Variants in MARCHF1 observed in about 807,000 individuals in gnomAD.
MARCHF1 encodes the protein E3 ubiquitin-protein ligase MARCHF1.
In MARCHF1, 40 loss-of-function variants were observed where a neutral mutation model predicts 54.2. The observed-to-expected ratio is 0.74, with a 90% CI of 0.57 to 0.96. The LOEUF (loss-of-function observed/expected upper bound fraction) is 0.96. Among genes scored for constraint, MARCHF1 ranks in the 40% least tolerant of loss-of-function variants. The pLI, the probability that MARCHF1 is intolerant of heterozygous loss-of-function variation, is 0.00. For missense variants in MARCHF1, 586 were observed against 656.5 expected (o/e 0.89, Z 1.17); for synonymous variants, 236 against 236.3 (o/e 1.00, Z 0.01).
intron 1 of MARCHF1, among the ~76,000 whole-genome samples, chr4:164,242,113 G>A (rs1318912046): frequency 6.6e-6 from 1 of 151,902 alleles, no homozygotes; most frequent in Non-Finnish European, 1.5e-5. Context: ...GCTCGAACTG[G>A]GTGGAGCCCA....
At chr4:163,968,197 G>A (rs1407752767) in intron 3 of MARCHF1, among the ~76,000 whole-genome samples, 2 of 151,776 alleles carry the variant, frequency 1.3e-5, no homozygotes, top group Admixed American at 1.3e-4. Context: ...ACCTTGGTTT[G>A]CAGATAGCCT....
At chr4:164,044,158 C>G (rs1359652080) in intron 2 of MARCHF1, among the ~76,000 whole-genome samples, 1 of 152,190 alleles carries the variant, frequency 6.6e-6, no homozygotes, top group African/African-American at 2.4e-5. Context: ...TGCAAAGTCG[C>G]TTTCACATTT....
intron 1 of MARCHF1, among the ~76,000 whole-genome samples, chr4:164,119,469 A>C (rs1756017144): frequency 6.7e-6 from 1 of 148,170 alleles, no homozygotes; most frequent in Admixed American, 6.8e-5. Flanking sequence ...ATATTAAATC[A>C]AAAAGCTAGG....
rs1386639867 is a variant in MARCHF1 at position 164,350,302 on chromosome 4, C to G, written c.-323+33568G>C. Among the ~76,000 whole-genome samples, 4 of 151,852 alleles carry G rather than the reference C, an allele frequency of 2.6e-5. No homozygotes were observed. The East Asian group carries it at 7.7e-4, about 29-fold the overall frequency. Reference sequence around the variant, plus strand: ...ACTCATATGTAAGAGCCAAAGAAAACTGAGTTCATTCAAGTTCAGAGTAGA... The same window carrying G: ...ACTCATATGTAAGAGCCAAAGAAAAGTGAGTTCATTCAAGTTCAGAGTAGA... On this transcript the variant is annotated intron_variant, in intron 1 of 9. Transcript: ENST00000514618.
At chr4:163,550,944 A>C (rs1739089816) in intron 8 of MARCHF1, among the ~76,000 whole-genome samples, 2 of 152,188 alleles carry the variant, frequency 1.3e-5, no homozygotes, top group Non-Finnish European at 2.9e-5. Context: ...ATGTGCTTTA[A>C]CAAGCCCTCA....
At chr4:163,545,392 C>T (rs993549335) in intron 9 of MARCHF1, among the ~76,000 whole-genome samples, 8 of 152,178 alleles carry the variant, frequency 5.3e-5, no homozygotes, top group Non-Finnish European at 1.0e-4. Flanking sequence ...AATTTCACAT[C>T]TCAGCTTGGG....
chr4:164,350,819 G>C (rs1031837924), intron 1 of MARCHF1, among the ~76,000 whole-genome samples: 27 of 152,136 alleles, frequency 1.8e-4, no homozygotes, highest in Admixed American at 1.7e-3. Flanking sequence ...CGACGCAGAA[G>C]ATGGGTGATT....
At chr4:163,648,611 C>CT (rs1488963344) in intron 5 of MARCHF1, among the ~76,000 whole-genome samples, 2 of 46,744 alleles carry the variant, frequency 4.3e-5, no homozygotes, top group African/African-American at 2.1e-4. Context: ...AGCCCATGAG[C>CT]TAAAAAAAAA....
At chr4:164,241,017 C>T (rs1040406472) in intron 1 of MARCHF1, among the ~76,000 whole-genome samples, 1 of 152,092 alleles carries the variant, frequency 6.6e-6, no homozygotes, top group Non-Finnish European at 1.5e-5. Flanking sequence ...CCAATTACTC[C>T]TATAGGTAAG....
At chr4:163,922,112 G>A (rs1244414753) in intron 3 of MARCHF1, among the ~76,000 whole-genome samples, 8 of 151,372 alleles carry the variant, frequency 5.3e-5, no homozygotes, top group Admixed American at 4.6e-4. Flanking sequence ...AGCAAACACA[G>A]GAACAGAAAA....
At chr4:164,232,181 A>AT (rs199938125) in intron 1 of MARCHF1, among the ~76,000 whole-genome samples, 1,812 of 152,052 alleles carry the variant, frequency 0.012, 26 homozygotes, top group African/African-American at 0.037. Flanking sequence ...TTCATTCATC[A>AT]TTTTTTTTCT....
Position 163,592,825 on chromosome 4 carries a change from T to C in MARCHF1, c.1011-6896A>G, listed in dbSNP as rs575373147. 3.3e-5 allele frequency among the ~76,000 whole-genome samples: 5 copies of C among 152,212 alleles called. No homozygotes were observed. In the East Asian group the frequency reaches 9.6e-4, roughly 29 times the overall value. On this transcript the variant is annotated intron_variant, in intron 7 of 9. Transcript: ENST00000514618. ...AGTCTCATAGTGGGCCGGAGCCTCT[T>C]TGAAGACTATCTGAGAGGTCTCCAT...
At chr4:164,129,307 G>T (rs1324223486) in intron 1 of MARCHF1, among the ~76,000 whole-genome samples, 1 of 152,028 alleles carries the variant, frequency 6.6e-6, no homozygotes, top group Non-Finnish European at 1.5e-5. Context: ...ATTTATTTTA[G>T]AACTTATTAA....
At position 164,006,990 on chromosome 4, in the gene MARCHF1, GAAAAAAAAAAAAAAAAAAAAA is replaced by G. The variant is rs57195057; in HGVS notation, c.-247-18302_-247-18282del. Among the ~76,000 whole-genome samples the G allele has an allele frequency of 8.2e-4, 19 of 23,170 alleles. 1 individual carries two copies. The highest frequency in any genetic ancestry group is 2.6e-3 in the Admixed American group (4 of 1,542). 15.2% of individuals were successfully genotyped at this position (23,170 alleles called of 152,430 possible). A position where few individuals can be genotyped will look rare whatever the true frequency, so the allele number is the denominator to read the frequency against. ...AATAATAGAGGGAGCTCTGAAATCT[GAAAAAAAAAAAAAAAAAAAAA>G]AAAAAAAAAAAAAAAAAAAAAGAAC... On this transcript the variant is annotated intron_variant, in intron 2 of 9. Coordinates refer to ENST00000514618, the MANE Select transcript of MARCHF1 (RefSeq NM_001394959.1).
chr4:163,865,227 T>C (rs1208750876), intron 3 of MARCHF1, among the ~76,000 whole-genome samples: 2 of 151,968 alleles, frequency 1.3e-5, no homozygotes, highest in African/African-American at 2.4e-5. Flanking sequence ...CTTGGGTTTC[T>C]TGAGCAGCCC....
chr4:163,916,781 G>A (rs1751317250), intron 3 of MARCHF1, among the ~76,000 whole-genome samples: 1 of 152,192 alleles, frequency 6.6e-6, no homozygotes, highest in Admixed American at 6.6e-5. Context: ...TACAGCCACT[G>A]CCACTATCAA....
At chr4:164,161,471 A>G (rs188915192) in intron 1 of MARCHF1, among the ~76,000 whole-genome samples, 2 of 152,256 alleles carry the variant, frequency 1.3e-5, no homozygotes, top group Middle Eastern at 3.4e-3. Context: ...CTAATATGCC[A>G]TGTTGGATAC....
chr4:164,026,920 A>G (rs562333235), intron 2 of MARCHF1, among the ~76,000 whole-genome samples: 7 of 152,168 alleles, frequency 4.6e-5, no homozygotes, highest in Non-Finnish European at 1.0e-4. Context: ...TACAAAAATC[A>G]GTAGCATTTC....
intron 1 of MARCHF1, among the ~76,000 whole-genome samples, chr4:164,114,133 T>G (rs996138303): frequency 1.3e-5 from 2 of 151,978 alleles, no homozygotes; most frequent in East Asian, 3.9e-4. Context: ...AACAAGTAGC[T>G]GAGCTTCAAA....
Sources: allele counts gnomAD v4.1 joint callset (sites outside exome capture counted in the v4.1 genomes callset), GRCh38; gene constraint gnomAD v4.1.1; transcripts MANE v1.5; gene names NCBI Gene and HGNC (gene_info 2026-07-23, HGNC 2026-07-21).